The following LARP1 variants were observed in gnomAD, a reference collection of about 807,000 sequenced individuals.
LARP1 encodes La ribonucleoprotein 1, translational regulator.
In LARP1, 36 loss-of-function variants were observed where a neutral mutation model predicts 122.7. The ratio of observed to expected loss-of-function variants is 0.29; its 90% confidence interval spans 0.22 to 0.39. The LOEUF (loss-of-function observed/expected upper bound fraction) is 0.39. Ranked by LOEUF, LARP1 falls within the 10% of genes least tolerant of loss-of-function variation. The probability of loss-of-function intolerance (pLI) is 1.00; values close to 1 mark genes in which losing one functional copy is unlikely to be tolerated. For missense variants in LARP1, 1,040 were observed against 1,403.6 expected (o/e 0.74, Z 4.14); for synonymous variants, 539 against 528.7 (o/e 1.02, Z -0.27).
intron 1 of LARP1, among the ~76,000 whole-genome samples, chr5:154,736,318 G>C (rs1318861985): frequency 6.6e-6 from 1 of 150,960 alleles, no homozygotes; most frequent in African/African-American, 2.4e-5. Context: ...CTGGTCTCGA[G>C]TGCCTGATAT....
chr5:154,737,814 CT>C (rs1756995663), intron 1 of LARP1, among the ~76,000 whole-genome samples: 1 of 152,158 alleles, frequency 6.6e-6, no homozygotes. Context: ...TTCCCCGCCC[CT>C]GCCCCTCCTT....
At position 154,800,057 on chromosome 5, in the gene LARP1, G is replaced by A. The variant is rs1215513836; in HGVS notation, c.1716+15G>A. ...CACGGCCCAAGGTGGGTGAGGCCTT[G>A]TCCCTTGCCTTGGTTCTAGCACTCT... On this transcript the variant is annotated intron_variant, in intron 10 of 18. Transcript: ENST00000518297. 7 of 1,611,438 alleles carry A rather than the reference G, an allele frequency of 4.3e-6. No homozygotes were observed. The highest frequency in any genetic ancestry group is 5.9e-6 in the Non-Finnish European group (7 of 1,179,040).
intron 1 of LARP1, among the ~76,000 whole-genome samples, chr5:154,701,873 G>A (rs1446269569): frequency 3.3e-5 from 5 of 152,086 alleles, no homozygotes; most frequent in Non-Finnish European, 4.4e-5. Context: ...CACCCCTGTC[G>A]GCCTTCCAAA....
intron 1 of LARP1, among the ~76,000 whole-genome samples, chr5:154,773,252 G>T (rs955820276): frequency 2.6e-5 from 4 of 152,058 alleles, no homozygotes; most frequent in African/African-American, 9.7e-5. Flanking sequence ...CTATGGCTAG[G>T]GGGGCAGGGA....
chr5:154,752,943 A>C (rs1386757795), upstream of LARP1, among the ~76,000 whole-genome samples: 1 of 151,606 alleles, frequency 6.6e-6, no homozygotes, highest in Non-Finnish European at 1.5e-5. Flanking sequence ...AAAAAAAAAA[A>C]GATGTTGTTT....
Position 154,789,136 on chromosome 5 carries a change from G to A in LARP1, c.437-1189G>A, listed in dbSNP as rs532843377. Among the ~76,000 whole-genome samples, 9 of 151,394 alleles carry A rather than the reference G, an allele frequency of 5.9e-5. 1 individual carries two copies. The East Asian group carries it at 1.6e-3, about 26-fold the overall frequency. Reference sequence around the variant, plus strand: ...TGAGGCAGGAGAATCACTTGAACCCGGGAGGCAGGTGTTGCAGTGAGCCGA... The same window carrying A: ...TGAGGCAGGAGAATCACTTGAACCCAGGAGGCAGGTGTTGCAGTGAGCCGA... On this transcript the variant is annotated intron_variant, in intron 1 of 18. Transcript: ENST00000518297.
chr5:154,771,831 G>A (rs372790313), intron 1 of LARP1, among the ~76,000 whole-genome samples: 75 of 152,214 alleles, frequency 4.9e-4, no homozygotes, highest in African/African-American at 1.7e-3. Context: ...AGTTTTTCAC[G>A]AATGGCCTTA....
intron 8 of LARP1, among the ~76,000 whole-genome samples, chr5:154,795,840 A>G (rs1047268716): frequency 2.2e-5 from 3 of 134,896 alleles, no homozygotes; most frequent in Non-Finnish European, 4.6e-5. Flanking sequence ...TATATTTTAT[A>G]TATATTTATA....
At chr5:154,800,470 A>G (rs993964176) in intron 10 of LARP1, among the ~76,000 whole-genome samples, 1 of 152,180 alleles carries the variant, frequency 6.6e-6, no homozygotes, top group Admixed American at 6.5e-5. Context: ...GAGCAGATGC[A>G]TGGCCCAAAT....
At chr5:154,744,102 C>A (rs1753050284) in intron 1 of LARP1, among the ~76,000 whole-genome samples, 1 of 152,178 alleles carries the variant, frequency 6.6e-6, no homozygotes, top group Non-Finnish European at 1.5e-5. Flanking sequence ...CATTCATTTT[C>A]TGTCCTCTAC....
chr5:154,698,899 G>A (rs1754591968), intron 1 of LARP1, among the ~76,000 whole-genome samples: 1 of 152,060 alleles, frequency 6.6e-6, no homozygotes, highest in Non-Finnish European at 1.5e-5. Flanking sequence ...CCTAGCTCTC[G>A]GGAACCCATT....
Position 154,691,808 on chromosome 5 carries a change from T to C in LARP1, c.-180+8771T>C, listed in dbSNP as rs1754230136. Among the ~76,000 whole-genome samples the C allele has an allele frequency of 2.0e-5, 3 of 151,716 alleles. 1 individual carries two copies. Among genetic ancestry groups the C allele is most frequent in the South Asian group, 4.1e-4 (2 of 4,828 alleles). ...CTGCTCACCCTTTTCGTTCTTTTTT[T>C]TTTTTCTTTTTCTTTTTTGAGGCTC... On this transcript the variant is annotated intron_variant, in intron 1 of 18. Coordinates refer to the LARP1 transcript ENST00000687700.
chr5:154,805,762 T>C, intron 14 of LARP1, 119 bp from the exon 15 acceptor site: 2 of 1,077,000 alleles, frequency 1.9e-6, no homozygotes, highest in South Asian at 3.0e-5. Flanking sequence ...TGGGCCTCCT[T>C]GTTTGATACC....
At chr5:154,801,166 C>A (rs1014111630) in intron 10 of LARP1, among the ~76,000 whole-genome samples, 3 of 152,228 alleles carry the variant, frequency 2.0e-5, no homozygotes, top group African/African-American at 7.2e-5. Context: ...CTCTCAGCGT[C>A]TCATATTCAG....
At chr5:154,704,708 C>T (rs991643987) in intron 1 of LARP1, among the ~76,000 whole-genome samples, 2 of 147,798 alleles carry the variant, frequency 1.4e-5, no homozygotes, top group African/African-American at 5.0e-5. Context: ...AAATAGACAA[C>T]CTACAGAACA....
At chr5:154,715,547 C>T (rs1297568259) in intron 1 of LARP1, among the ~76,000 whole-genome samples, 1 of 152,072 alleles carries the variant, frequency 6.6e-6, no homozygotes, top group African/African-American at 2.4e-5. Flanking sequence ...CCGACCAAGC[C>T]TGTCTTTTAA....
Position 154,799,632 on chromosome 5 carries a change from A to G in LARP1, c.1419A>G (p.Lys473=), listed in dbSNP as rs1758181287. The change falls in exon 9 of 19, where the codon AAA becomes AAG. Residue 473 remains lysine (K), a synonymous_variant. Coordinates refer to ENST00000518297, the MANE Select transcript of LARP1 (RefSeq NM_033551.3). ...DSKVVEIVDE[K]VRRREEPEKW... is the part of the protein sequence containing the mutation. ...AGGTGGTGGAGATCGTTGATGAGAA[A>G]GTTCGTAGGAGGGAGGAACCAGAAA... 2 of 1,614,118 alleles carry G rather than the reference A, an allele frequency of 1.2e-6. No individual in the cohort carries two copies. The highest frequency in any genetic ancestry group is 1.7e-6 in the Non-Finnish European group (2 of 1,180,000).
chr5:154,802,544 C>T lies in LARP1; in HGVS notation c.2109+145C>T. On this transcript the variant is annotated intron_variant, in intron 11 of 18. Coordinates refer to ENST00000518297, the MANE Select transcript of LARP1 (RefSeq NM_033551.3). This position sits in a 1 kb window ranked among gnomAD's most constrained non-coding sequence, Gnocchi z 5.1. ...TTTATATATGGGAAGGGGATGATGA[C>T]TGACATCTAGCTTGGGCATTAGGAG... 1 of 1,000,252 alleles carries T rather than the reference C, an allele frequency of 1.0e-6. No homozygotes were observed. Among genetic ancestry groups the T allele is most frequent in the East Asian group, 2.6e-5 (1 of 38,124 alleles). The allele number at this position is 1,000,252 out of a possible 1,614,324, so 62.0% of individuals were successfully genotyped here. A position where few individuals can be genotyped will look rare whatever the true frequency, so the allele number is the denominator to read the frequency against.
At chr5:154,693,434 G>T (rs1754315270) in intron 1 of LARP1, among the ~76,000 whole-genome samples, 1 of 152,188 alleles carries the variant, frequency 6.6e-6, no homozygotes, top group Non-Finnish European at 1.5e-5. Context: ...TTGGTTTACA[G>T]AAATAACATT....
Sources: gnomAD v4.1 joint callset for allele counts (sites outside exome capture counted in the v4.1 genomes callset) on GRCh38, gnomAD v4.1.1 for gene constraint, Gnocchi (gnomAD v3.1) non-coding constraint, MANE v1.5 for transcripts, NCBI Gene and HGNC (gene_info 2026-07-23, HGNC 2026-07-21) for gene names.